IFT88: variants seen among roughly 807,000 people sequenced by gnomAD.
IFT88 encodes intraflagellar transport protein 88 homolog.
IFT88 carries 74 observed loss-of-function variants against 119.5 expected under a neutral mutation model. The ratio of observed to expected loss-of-function variants is 0.62; its 90% CI spans 0.51 to 0.75. The LOEUF (loss-of-function observed/expected upper bound fraction) is 0.75, where lower values mean the gene tolerates loss of function less well. IFT88 is among the 30% of genes least tolerant of loss of function. The probability of loss-of-function intolerance (pLI) is 0.00; values close to 1 mark genes in which losing one functional copy is unlikely to be tolerated. For synonymous variants in IFT88, 279 were observed against 316.7 expected, an observed-to-expected ratio of 0.88 and a Z score of 1.26; for missense variants, 961 against 977.7, an observed-to-expected ratio of 0.98 and a Z score of 0.23.
chr13:20,607,288 G>C, intron 13 of IFT88: 1 of 439,174 alleles, frequency 2.3e-6, no homozygotes, highest in Non-Finnish European at 4.6e-6. Flanking sequence ...ACTGCGTGCT[G>C]CCACTCACCT....
chr13:20,667,487 G>C (rs1023218821), intron 23 of IFT88, among the ~76,000 whole-genome samples: 1 of 152,158 alleles, frequency 6.6e-6, no homozygotes, highest in African/African-American at 2.4e-5. Context: ...CCACAGCCCA[G>C]GGTGTTCCCC....
At chr13:20,674,108 G>A (rs143233057) in intron 24 of IFT88, among the ~76,000 whole-genome samples, 29 of 152,222 alleles carry the variant, frequency 1.9e-4, no homozygotes, top group African/African-American at 7.0e-4. Flanking sequence ...TGCAGGAATC[G>A]TGTTTTCTGT....
chr13:20,673,891 G>T (rs1359088237), intron 24 of IFT88, among the ~76,000 whole-genome samples: 1 of 152,140 alleles, frequency 6.6e-6, no homozygotes, highest in Non-Finnish European at 1.5e-5. Flanking sequence ...CATTTTACAA[G>T]CAGGGTTGCG....
chr13:20,592,211 T>C (rs995645543), intron 6 of IFT88, 124 bp from the exon 7 acceptor site: 27 of 701,482 alleles, frequency 3.8e-5, no homozygotes, highest in Non-Finnish European at 2.4e-6. Flanking sequence ...ATTTAATAAA[T>C]AGATAATTGA....
chr13:20,581,041 A>G (rs2038536895), intron 2 of IFT88, among the ~76,000 whole-genome samples: 1 of 152,058 alleles, frequency 6.6e-6, no homozygotes, highest in African/African-American at 2.4e-5. Context: ...TATTATTTTT[A>G]AAGCACCAGG....
At chr13:20,690,377 G>A (rs1178501270) in intron 24 of IFT88, among the ~76,000 whole-genome samples, 1 of 152,130 alleles carries the variant, frequency 6.6e-6, no homozygotes, top group Non-Finnish European at 1.5e-5. Flanking sequence ...TCCTAAGGCA[G>A]CCATTGCCTA....
chr13:20,668,207 T>C (rs1357823142), intron 23 of IFT88, among the ~76,000 whole-genome samples: 3 of 152,172 alleles, frequency 2.0e-5, no homozygotes, highest in African/African-American at 7.2e-5. Context: ...TGTTGCCTGG[T>C]GGGATTGCTG....
intron 17 of IFT88, 34 bp downstream of exon 17, chr13:20,638,552 T>G (rs760069861): frequency 1.5e-6 from 2 of 1,323,972 alleles, no homozygotes; most frequent in Non-Finnish European, 2.0e-6. Context: ...CTTTTTAAAT[T>G]ATTTATTTGC....
chr13:20,615,529 A>G (rs1054189101), intron 13 of IFT88, among the ~76,000 whole-genome samples: 2 of 152,122 alleles, frequency 1.3e-5, no homozygotes, highest in African/African-American at 4.8e-5. Flanking sequence ...GTATCTCTTC[A>G]GTTTGTCAGA....
At chr13:20,580,071 C>G (rs1028483453) in intron 2 of IFT88, among the ~76,000 whole-genome samples, 2 of 152,112 alleles carry the variant, frequency 1.3e-5, no homozygotes, top group South Asian at 4.1e-4. Flanking sequence ...TATACATACA[C>G]AATTTTCTTT....
chr13:20,569,012 G>A lies in IFT88; in HGVS notation c.-7+1756G>A, dbSNP rs538580853. Among the ~76,000 whole-genome samples, 6 of 152,144 alleles carry A rather than the reference G, an allele frequency of 3.9e-5. No individual in the cohort carries two copies. The South Asian group carries it at 1.2e-3, about 32-fold the overall frequency. ...TGGGATTACAAGCGTGAGCCACGAC[G>A]CCTGGCCCTTTTAATAACCTTTTGA... On this transcript the variant is annotated intron_variant, in intron 1 of 25. Transcript: ENST00000351808.
intron 1 of IFT88, chr13:20,567,868 G>GTTTT: frequency 1.1e-5 from 7 of 656,526 alleles, no homozygotes; most frequent in East Asian, 3.5e-5. Flanking sequence ...TTTTTTGTTT[G>GTTTT]TTTTTTTTTT....
intron 24 of IFT88, among the ~76,000 whole-genome samples, chr13:20,673,515 A>G (rs1482963296): frequency 6.6e-6 from 1 of 152,158 alleles, no homozygotes; most frequent in African/African-American, 2.4e-5. Flanking sequence ...ATCCTTTGAC[A>G]TGAAGAATTG....
At chr13:20,585,977 T>C (rs2039594540) in intron 3 of IFT88, among the ~76,000 whole-genome samples, 1 of 152,234 alleles carries the variant, frequency 6.6e-6, no homozygotes, top group Non-Finnish European at 1.5e-5. Flanking sequence ...GCTTGTCTAC[T>C]TAAGTGTTCC....
At chr13:20,671,810 C>G (rs1231408329) in intron 24 of IFT88, among the ~76,000 whole-genome samples, 1 of 152,216 alleles carries the variant, frequency 6.6e-6, no homozygotes, top group Non-Finnish European at 1.5e-5. Flanking sequence ...ACTCAGCACT[C>G]TCATGCATAT....
chr13:20,669,319 C>T (rs931623461), intron 23 of IFT88, among the ~76,000 whole-genome samples: 24 of 152,274 alleles, frequency 1.6e-4, no homozygotes, highest in African/African-American at 5.5e-4. Context: ...CTTCGCATAT[C>T]CTGTTCTGAA....
chr13:20,623,170 A>G (rs909159566), intron 14 of IFT88, among the ~76,000 whole-genome samples: 5 of 152,224 alleles, frequency 3.3e-5, no homozygotes, highest in African/African-American at 1.2e-4. Context: ...CTATTGGTCT[A>G]CATGTCTGTC....
chr13:20,686,670 G>GA (rs2057947928), intron 24 of IFT88, among the ~76,000 whole-genome samples: 2 of 152,098 alleles, frequency 1.3e-5, no homozygotes, highest in Non-Finnish European at 2.9e-5. Flanking sequence ...AACCTGTTTA[G>GA]AAAATTAGCA....
At chr13:20,575,274 A>T (rs913554872) in intron 2 of IFT88, among the ~76,000 whole-genome samples, 7 of 152,116 alleles carry the variant, frequency 4.6e-5, no homozygotes, top group Non-Finnish European at 1.0e-4. Flanking sequence ...CATCCACATT[A>T]TTGCAAATGA....
Sources: gnomAD v4.1 joint callset for allele counts (sites outside exome capture counted in the v4.1 genomes callset) on GRCh38, gnomAD v4.1.1 for gene constraint, MANE v1.5 for transcripts, NCBI Gene and HGNC (gene_info 2026-07-23, HGNC 2026-07-21) for gene names.